Variants in TLN2 observed in about 807,000 individuals in gnomAD.
TLN2 encodes the protein talin-2.
In TLN2, 118 loss-of-function variants were observed where a neutral mutation model predicts 294.7. The ratio of observed to expected loss-of-function variants is 0.40; its 90% CI spans 0.34 to 0.47. TLN2 has a LOEUF of 0.47. TLN2 is among the 20% of genes least tolerant of loss of function. The pLI, the probability that TLN2 is intolerant of heterozygous loss-of-function variation, is 0.84. For missense variants in TLN2, 3,083 were observed against 3,282.2 expected (o/e 0.94, Z 1.48); for synonymous variants, 1,431 against 1,304.5 (o/e 1.10, Z -2.09).
chr15:62,576,030 C>A (rs76000336), intron 1 of TLN2, among the ~76,000 whole-genome samples: 95 of 152,158 alleles, frequency 6.2e-4, no homozygotes, highest in African/African-American at 2.1e-3. Flanking sequence ...AGTGTTTTGA[C>A]TCTTGGTCTG....
intron 1 of TLN2, among the ~76,000 whole-genome samples, chr15:62,439,158 C>T (rs2035428022): frequency 6.6e-6 from 1 of 152,194 alleles, no homozygotes; most frequent in South Asian, 2.1e-4. Context: ...TCATGGCAGA[C>T]ATCGCTAGAA....
intron 1 of TLN2, among the ~76,000 whole-genome samples, chr15:62,516,653 G>A (rs1013172744): frequency 1.3e-5 from 2 of 152,178 alleles, no homozygotes; most frequent in African/African-American, 4.8e-5. Flanking sequence ...TGAAGGCCTG[G>A]TGGTGTCCTT....
chr15:62,472,506 A>G (rs1249486348), intron 1 of TLN2, among the ~76,000 whole-genome samples: 1 of 152,178 alleles, frequency 6.6e-6, no homozygotes, highest in East Asian at 1.9e-4. Context: ...TCAGCCCTGC[A>G]CTGAGTATGG....
intron 54 of TLN2, chr15:62,831,326 T>C (rs569760295): frequency 3.0e-4 from 45 of 152,184 alleles, no homozygotes; most frequent in African/African-American, 1.0e-3. Context: ...CAAGCCTCCG[T>C]TTCCTCATCT....
rs558742180 is a variant in TLN2 at position 62,581,511 on chromosome 15, G to A, written c.-237-8176G>A. Among the ~76,000 whole-genome samples, 11 of 152,264 alleles carry A rather than the reference G, an allele frequency of 7.2e-5. No individual in the cohort carries two copies. In the South Asian group the frequency reaches 2.3e-3, roughly 32 times the overall value. ...CTTTGTGGCTTTGTGCTCTTTTAAA[G>A]GGTCCAAGTTGGAATGAAAGAGAAT... On this transcript the variant is annotated intron_variant, in intron 1 of 58. Coordinates refer to ENST00000636159, the MANE Select transcript of TLN2 (RefSeq NM_015059.3).
At chr15:62,778,842 C>T (rs145497272) in intron 43 of TLN2, among the ~76,000 whole-genome samples, 1 of 152,342 alleles carries the variant, frequency 6.6e-6, no homozygotes, top group Non-Finnish European at 1.5e-5. Context: ...AAACTCTTAT[C>T]TACCCTGGCC....
intron 1 of TLN2, among the ~76,000 whole-genome samples, chr15:62,564,919 A>ATATATATAT (rs1252446922): frequency 3.9e-4 from 44 of 112,236 alleles, no homozygotes; most frequent in African/African-American, 6.9e-4. Context: ...AAAAAAAAAA[A>ATATATATAT]AAAAAAATAT....
chr15:62,825,571 C>T (rs887010161), intron 54 of TLN2, among the ~76,000 whole-genome samples: 8 of 149,360 alleles, frequency 5.4e-5, no homozygotes, highest in Admixed American at 1.4e-4. Context: ...AGTATGGGGC[C>T]GGGCATGGTG....
chr15:62,633,167 C>T (rs1386035545), intron 3 of TLN2, among the ~76,000 whole-genome samples: 1 of 152,214 alleles, frequency 6.6e-6, no homozygotes, highest in East Asian at 1.9e-4. Flanking sequence ...AAGGCACGGG[C>T]CCTGGAGGCA....
At chr15:62,835,846 A>T in intron 56 of TLN2, 45 bp from the exon 57 acceptor site, 2 of 1,614,062 alleles carry the variant, frequency 1.2e-6, no homozygotes, top group Non-Finnish European at 1.7e-6. Context: ...GGGTCCCCTG[A>T]GGGAGGTTTG....
chr15:62,564,923 A>ATATATATATATATAT (rs1442472632), intron 1 of TLN2, among the ~76,000 whole-genome samples: 2 of 102,148 alleles, frequency 2.0e-5, no homozygotes, highest in African/African-American at 7.8e-5. Flanking sequence ...AAAAAAAAAA[A>ATATATATATATATAT]AAATATATAT....
intron 37 of TLN2, 104 bp from the exon 38 acceptor site, chr15:62,761,577 G>T (rs1595903407): frequency 6.7e-7 from 1 of 1,501,240 alleles, no homozygotes. Context: ...GAGATTTTCA[G>T]TGTTCCGGTT....
intron 1 of TLN2, among the ~76,000 whole-genome samples, chr15:62,582,246 A>ACACACACACACACACAC (rs764248336): frequency 2.2e-5 from 3 of 137,240 alleles, no homozygotes; most frequent in South Asian, 2.5e-4. Flanking sequence ...ACACACACAC[A>ACACACACACACACACAC]CATTCATGCC....
At chr15:62,415,585 GC>G (rs2034026705) in intron 1 of TLN2, among the ~76,000 whole-genome samples, 2 of 101,714 alleles carry the variant, frequency 2.0e-5, no homozygotes, top group Admixed American at 1.3e-4. Context: ...TTTAACCCCT[GC>G]TTGCCCCATT....
intron 43 of TLN2, among the ~76,000 whole-genome samples, chr15:62,778,344 C>T (rs1039066788): frequency 8.5e-5 from 13 of 152,138 alleles, no homozygotes; most frequent in African/African-American, 2.9e-4. Context: ...GGATAAGTCT[C>T]AGTAGATTTG....
At chr15:62,611,614 A>G (rs1362859998) in intron 2 of TLN2, among the ~76,000 whole-genome samples, 1 of 152,206 alleles carries the variant, frequency 6.6e-6, no homozygotes, top group African/African-American at 2.4e-5. Context: ...CAGTTGCCCT[A>G]GAATCTCCTA....
Position 62,841,553 on chromosome 15 carries a change from C to T in TLN2, c.*943C>T, listed in dbSNP as rs1596236008. 2 of 152,170 alleles carry T rather than the reference C, an allele frequency of 1.3e-5. No homozygotes were observed. Among genetic ancestry groups the T allele is most frequent in the Admixed American group, 6.6e-5 (1 of 15,262 alleles). The allele number at this position is 152,170 out of a possible 1,614,324, so 9.4% of individuals were successfully genotyped here. On this transcript the variant is annotated 3_prime_UTR_variant, in exon 59 of 59. Coordinates refer to ENST00000636159, the MANE Select transcript of TLN2 (RefSeq NM_015059.3). ...ACAAGCCCGGATTGGAAAGGATCTG[C>T]TTACAAACCTGTCCCCTGTCCTCCA...
In TLN2 at chr15:62,651,209, A is replaced by G. The variant is rs548461357; in HGVS notation, c.235-796A>G. 4.6e-4 allele frequency among the ~76,000 whole-genome samples: 70 copies of G among 152,320 alleles called. No individual in the cohort carries two copies. In the South Asian group the frequency reaches 0.014, roughly 31 times the overall value. ...CTGCTAATTCTCCTTAGAGCAGATC[A>G]TTCTCAGCCTTGCAGGAGGTCATAC... is the stretch of plus-strand genomic sequence containing the variant. On this transcript the variant is annotated intron_variant, in intron 5 of 58. Coordinates refer to ENST00000636159, the MANE Select transcript of TLN2 (RefSeq NM_015059.3).
intron 1 of TLN2, among the ~76,000 whole-genome samples, chr15:62,500,680 TC>T (rs1397474329): frequency 6.6e-6 from 1 of 152,200 alleles, no homozygotes; most frequent in Non-Finnish European, 1.5e-5. Flanking sequence ...GACCCGAATA[TC>T]TGCTATGGCA....
Sources: allele counts gnomAD v4.1 joint callset (sites outside exome capture counted in the v4.1 genomes callset), GRCh38; gene constraint gnomAD v4.1.1; transcripts MANE v1.5; gene names NCBI Gene and HGNC (gene_info 2026-07-23, HGNC 2026-07-21).